Variants in LRP1B observed in about 807,000 individuals in gnomAD.
The protein encoded by LRP1B is LDL receptor related protein 1B.
A neutral mutation model predicts 556.6 loss-of-function variants in LRP1B; 217 were observed. The ratio of observed to expected loss-of-function variants is 0.39; its 90% CI spans 0.35 to 0.44. The LOEUF is 0.44. LRP1B is among the 20% of genes least tolerant of loss of function. LRP1B has a pLI of 1.00. For missense variants in LRP1B, 5,053 were observed against 5,620.8 expected (o/e 0.90, Z 3.23); for synonymous variants, 2,047 against 1,865.8 (o/e 1.10, Z -2.50).
intron 14 of LRP1B, among the ~76,000 whole-genome samples, chr2:141,011,002 T>A (rs1167213806): frequency 6.7e-6 from 1 of 149,394 alleles, no homozygotes; most frequent in Non-Finnish European, 1.5e-5. Context: ...TCTATCCATA[T>A]GTATAAAAAA....
rs2105420090 is a variant in LRP1B at position 140,700,336 on chromosome 2, G to T, written c.6713C>A (p.Thr2238Asn). Residue 2238 changes from threonine to asparagine, a missense_variant, in exon 41 of 91, where the codon ACC (threonine) becomes AAC (asparagine). Around this residue, in one of 5 missense-constraint regions of LRP1B, gnomAD observed 3,619 missense variants for 3,931.9 expected, o/e 0.92. Transcript: ENST00000389484. ...TGCATCACTGTAAAAGATTCGGTTGGTACCTTTTCTTCTTTGATTATAGTC... is the reference window on the plus strand; with the variant it reads ...TGCATCACTGTAAAAGATTCGGTTGTTACCTTTTCTTCTTTGATTATAGTC... Reference protein sequence around the residue: ...AFDYNQRRKGTNRIFYSDAHF... With the variant: ...AFDYNQRRKGNNRIFYSDAHF... 6.2e-7 allele frequency: 1 copy of T among 1,612,846 alleles called. No individual in the cohort carries two copies. The highest frequency in any genetic ancestry group is 8.5e-7 in the Non-Finnish European group (1 of 1,179,446).
chr2:141,779,298 T>A (rs12470956), intron 2 of LRP1B, among the ~76,000 whole-genome samples: 16,987 of 152,212 alleles, frequency 0.11, 1,049 homozygotes, highest in Middle Eastern at 0.22. Context: ...CTGAGCCAGA[T>A]GGTGTTGTTG....
At chr2:141,800,717 T>C (rs943989581) in intron 2 of LRP1B, among the ~76,000 whole-genome samples, 6 of 152,120 alleles carry the variant, frequency 3.9e-5, no homozygotes, top group Non-Finnish European at 8.8e-5. Context: ...TTCTTTATCA[T>C]GGAAAGAATA....
At chr2:140,700,166 C>G (rs1686581214) in intron 41 of LRP1B, 84 bp downstream of exon 41, 4 of 1,210,256 alleles carry the variant, frequency 3.3e-6, no homozygotes, top group Non-Finnish European at 4.7e-6. Context: ...AATGTAATTG[C>G]TACATGCAAT....
chr2:141,087,432 CTT>C (rs1558851516), intron 7 of LRP1B, among the ~76,000 whole-genome samples: 1 of 152,248 alleles, frequency 6.6e-6, no homozygotes, highest in East Asian at 1.9e-4. Flanking sequence ...CTTTCAATAT[CTT>C]AGTGCAAAAT....
At chr2:140,936,347 AAAAAAAAAAAAAAAAGAAAGG>A (rs1419508133) in intron 20 of LRP1B, among the ~76,000 whole-genome samples, 53 of 136,346 alleles carry the variant, frequency 3.9e-4, no homozygotes, top group African/African-American at 1.4e-3. Flanking sequence ...CTCAAAAAAA[AAAAAAAAAAAAAAAAGAAAGG>A]AAAAAAGAAA....
chr2:140,318,629 T>TAAC (rs1473644517), intron 82 of LRP1B, among the ~76,000 whole-genome samples: 4 of 147,908 alleles, frequency 2.7e-5, no homozygotes, highest in African/African-American at 1.0e-4. Flanking sequence ...GAATTTCCAA[T>TAAC]AACTCTGGAA....
rs56835236 is a variant in LRP1B at position 140,855,493 on chromosome 2, G to GAAAAAA, written c.4580-3716_4580-3711dup. ...GACAGGTAGGTCCCATCTCTACTGG[G>GAAAAAA]AAAAAAAAAAAATTTGAATGGCTTC... On this transcript the variant is annotated intron_variant, in intron 27 of 90. Coordinates refer to ENST00000389484, the MANE Select transcript of LRP1B (RefSeq NM_018557.3). 4.9e-4 allele frequency among the ~76,000 whole-genome samples: 49 copies of GAAAAAA among 99,412 alleles called. 1 individual carries two copies. The highest frequency in any genetic ancestry group is 1.7e-3 in the African/African-American group (44 of 26,468). The allele number at this position is 99,412 out of a possible 152,430, so 65.2% of individuals were successfully genotyped here.
intron 77 of LRP1B, 42 bp downstream of exon 77, chr2:140,350,755 G>A (rs2105115139): frequency 6.4e-7 from 1 of 1,569,662 alleles, no homozygotes; most frequent in African/African-American, 1.4e-5. Context: ...AGCAGGTGGG[G>A]AAAAGGTATG....
chr2:141,479,546 T>C (rs904028766), intron 3 of LRP1B, among the ~76,000 whole-genome samples: 10 of 152,180 alleles, frequency 6.6e-5, no homozygotes, highest in Admixed American at 2.0e-4. Flanking sequence ...CAGGTTCTTA[T>C]TGAAATCTTA....
chr2:141,455,822 A>T (rs7566653), intron 3 of LRP1B, among the ~76,000 whole-genome samples: 151,639 of 152,352 alleles, frequency 1, 75,467 homozygotes, highest in East Asian at 1. Flanking sequence ...TAAACTTGAA[A>T]ATGTGAAATT....
chr2:141,697,472 G>T (rs1691770971), intron 2 of LRP1B, among the ~76,000 whole-genome samples: 1 of 151,966 alleles, frequency 6.6e-6, no homozygotes, highest in African/African-American at 2.4e-5. Context: ...ATTGAAACGT[G>T]CATCGGGAAT....
At chr2:142,021,221 G>A (rs753937922) in intron 1 of LRP1B, among the ~76,000 whole-genome samples, 21 of 151,990 alleles carry the variant, frequency 1.4e-4, no homozygotes, top group Non-Finnish European at 2.9e-4. Flanking sequence ...CAATATTACT[G>A]GTGACACTAC....
In LRP1B at chr2:141,552,877, T is replaced by C. The variant is rs114789842; in HGVS notation, c.206-72344A>G. ...GCACCATCTCTTAAAAGAACACTGA[T>C]ATGTTGGAACATATAAGAATACTTG... On this transcript the variant is annotated intron_variant, in intron 2 of 90. Coordinates refer to ENST00000389484, the MANE Select transcript of LRP1B (RefSeq NM_018557.3). Among the ~76,000 whole-genome samples the C allele has an allele frequency of 4.5e-3, 681 of 152,100 alleles. 11 individuals carry two copies. Among genetic ancestry groups the C allele is most frequent in the African/African-American group, 0.016 (653 of 41,534 alleles).
intron 3 of LRP1B, among the ~76,000 whole-genome samples, chr2:141,268,428 A>G (rs1209823809): frequency 6.6e-6 from 1 of 152,128 alleles, no homozygotes; most frequent in Non-Finnish European, 1.5e-5. Context: ...AATGAGAGAG[A>G]TGATGGTCAG....
chr2:141,896,309 G>T (rs1042912814), intron 1 of LRP1B, among the ~76,000 whole-genome samples: 1 of 152,010 alleles, frequency 6.6e-6, no homozygotes, highest in Admixed American at 6.6e-5. Flanking sequence ...TTTTAACATA[G>T]TATATAGTGC....
At chr2:141,024,395 A>G (rs1400411590) in intron 11 of LRP1B, among the ~76,000 whole-genome samples, 1 of 152,018 alleles carries the variant, frequency 6.6e-6, no homozygotes, top group Non-Finnish European at 1.5e-5. Flanking sequence ...GAGTGCATAT[A>G]AGGGTCTTAT....
chr2:141,882,900 AGTCAAAT>A (rs1384619330), intron 1 of LRP1B, among the ~76,000 whole-genome samples: 6 of 152,234 alleles, frequency 3.9e-5, no homozygotes, highest in Non-Finnish European at 8.8e-5. Flanking sequence ...CCAGCTGATG[AGTCAAAT>A]GTGCTTTAGA....
intron 35 of LRP1B, among the ~76,000 whole-genome samples, chr2:140,746,305 A>C (rs1688314284): frequency 6.6e-6 from 1 of 152,202 alleles, no homozygotes; most frequent in African/African-American, 2.4e-5. Context: ...ACAATAAATT[A>C]AGATTATCAC....
Sources: allele counts gnomAD v4.1 joint callset (sites outside exome capture counted in the v4.1 genomes callset), GRCh38; gene constraint gnomAD v4.1.1; regional missense constraint gnomAD v4.1.1; transcripts MANE v1.5; gene names NCBI Gene and HGNC (gene_info 2026-07-23, HGNC 2026-07-21).